Variants in ZNF385D observed in about 807,000 individuals in gnomAD.
ZNF385D encodes the protein zinc finger protein 659.
In ZNF385D, 15 loss-of-function variants were observed where a neutral mutation model predicts 35.8. The ratio of observed to expected loss-of-function variants is 0.42; its 90% CI spans 0.28 to 0.64. The LOEUF (loss-of-function observed/expected upper bound fraction) is 0.64, where lower values mean the gene tolerates loss of function less well. ZNF385D is among the 30% of genes least tolerant of loss of function. The pLI, the probability that ZNF385D is intolerant of heterozygous loss-of-function variation, is 0.23. For synonymous variants in ZNF385D, 212 were observed against 186.8 expected (o/e 1.13, Z -1.10); for missense variants, 474 against 494.6 (o/e 0.96, Z 0.39).
chr3:21,983,257 G>A (rs1314834119), intron 3 of ZNF385D, among the ~76,000 whole-genome samples: 3 of 142,778 alleles, frequency 2.1e-5, no homozygotes, highest in East Asian at 2.1e-4. Flanking sequence ...CTGGTGCGCT[G>A]CACCCACTAA....
chr3:21,821,933 T>G (rs907971566), intron 3 of ZNF385D, among the ~76,000 whole-genome samples: 2 of 132,878 alleles, frequency 1.5e-5, no homozygotes, highest in Non-Finnish European at 3.1e-5. Context: ...GCCACTGTAC[T>G]CCAGCCTGAA....
At chr3:22,309,302 C>T (rs138516621) in intron 2 of ZNF385D, among the ~76,000 whole-genome samples, 437 of 149,438 alleles carry the variant, frequency 2.9e-3, no homozygotes, top group Non-Finnish European at 4.6e-3. Context: ...TTTATCTCTG[C>T]CCTGTACAGT....
chr3:21,694,572 TAGAG>T (rs1310230949), intron 1 of ZNF385D, among the ~76,000 whole-genome samples: 3 of 152,144 alleles, frequency 2.0e-5, no homozygotes, highest in Non-Finnish European at 2.9e-5. Context: ...CCTTGCTCGA[TAGAG>T]AAAGACAATT....
At chr3:21,732,029 G>GTTTTTTTTTTT (rs1211041889) in intron 1 of ZNF385D, among the ~76,000 whole-genome samples, 331 of 21,202 alleles carry the variant, frequency 0.016, 123 homozygotes, top group South Asian at 0.027. Context: ...CTTTTTTCGG[G>GTTTTTTTTTTT]GTTTTTTTTT....
At chr3:21,517,268 A>T (rs2125489275) in intron 3 of ZNF385D, among the ~76,000 whole-genome samples, 1 of 152,196 alleles carries the variant, frequency 6.6e-6, no homozygotes, top group Non-Finnish European at 1.5e-5. Flanking sequence ...ACACCCTGAG[A>T]CTTGGCAAGT....
intron 2 of ZNF385D, among the ~76,000 whole-genome samples, chr3:22,247,260 A>C (rs1308373885): frequency 6.6e-6 from 1 of 152,162 alleles, no homozygotes; most frequent in South Asian, 2.1e-4. Flanking sequence ...AAAAATAATC[A>C]TTTCTAATTA....
chr3:22,199,123 A>G (rs988613949), intron 2 of ZNF385D, among the ~76,000 whole-genome samples: 1 of 152,028 alleles, frequency 6.6e-6, no homozygotes, highest in African/African-American at 2.4e-5. Flanking sequence ...AGCAGGCAAA[A>G]AAACCAAACA....
rs1024649383 is a variant in ZNF385D at position 21,682,273 on chromosome 3, A to G, written c.23-17245T>C. ...ATTGGCTAAGTATGTTGAAAATCTA[A>G]TAACTTATGAAAGATGTACACAACC... On this transcript the variant is annotated intron_variant, in intron 1 of 7. Transcript: ENST00000281523. Among the ~76,000 whole-genome samples the G allele has an allele frequency of 6.1e-5, 9 of 146,688 alleles. 1 individual carries two copies. Among genetic ancestry groups the G allele is most frequent in the Admixed American group, 2.0e-4 (3 of 14,922 alleles).
intron 3 of ZNF385D, among the ~76,000 whole-genome samples, chr3:22,121,807 C>T (rs1473054313): frequency 1.3e-5 from 2 of 151,932 alleles, no homozygotes; most frequent in Non-Finnish European, 2.9e-5. Flanking sequence ...ACTGCAACAG[C>T]TTTTTCCTTT....
upstream of ZNF385D, among the ~76,000 whole-genome samples, chr3:21,753,357 C>A (rs1196974784): frequency 6.6e-6 from 1 of 152,104 alleles, no homozygotes; most frequent in Non-Finnish European, 1.5e-5. Context: ...AAGTCACCCC[C>A]AATAAAACAA....
intron 3 of ZNF385D, among the ~76,000 whole-genome samples, chr3:21,813,618 T>C (rs1333421119): frequency 1.3e-5 from 2 of 152,042 alleles, no homozygotes; most frequent in African/African-American, 2.4e-5. Flanking sequence ...GAAGATCAAA[T>C]GAATGAAATG....
At chr3:21,842,264 G>C (rs572841782) in intron 3 of ZNF385D, among the ~76,000 whole-genome samples, 23 of 151,906 alleles carry the variant, frequency 1.5e-4, no homozygotes, top group Admixed American at 2.0e-4. Context: ...TGGAACAATA[G>C]AAATGCAATT....
intron 2 of ZNF385D, among the ~76,000 whole-genome samples, chr3:22,185,335 T>C (rs978027120): frequency 2.6e-5 from 4 of 152,216 alleles, no homozygotes; most frequent in Admixed American, 6.6e-5. Context: ...TGGTGCTCGT[T>C]AGTAAAACAA....
At chr3:22,309,513 ATATTC>A (rs1206819470) in intron 2 of ZNF385D, among the ~76,000 whole-genome samples, 4 of 152,124 alleles carry the variant, frequency 2.6e-5, no homozygotes, top group African/African-American at 7.2e-5. Context: ...GGTCAAAAAC[ATATTC>A]TATTCAACTA....
At chr3:21,917,952 A>G (rs1040066837) in intron 3 of ZNF385D, among the ~76,000 whole-genome samples, 27 of 152,218 alleles carry the variant, frequency 1.8e-4, no homozygotes, top group Admixed American at 6.5e-5. Flanking sequence ...ACCCACAGAT[A>G]TAAAATACTT....
At chr3:21,460,643 T>C (rs1703109256) in intron 4 of ZNF385D, among the ~76,000 whole-genome samples, 1 of 152,208 alleles carries the variant, frequency 6.6e-6, no homozygotes, top group South Asian at 2.1e-4. Flanking sequence ...CTTTTTGTTG[T>C]ACATGTGTAA....
At chr3:21,685,171 T>A (rs2067065269) in intron 1 of ZNF385D, among the ~76,000 whole-genome samples, 1 of 152,228 alleles carries the variant, frequency 6.6e-6, no homozygotes, top group Non-Finnish European at 1.5e-5. Flanking sequence ...CTTTCTATTT[T>A]GTCTCAGCAA....
At chr3:21,804,979 C>A (rs2072572139) in intron 3 of ZNF385D, among the ~76,000 whole-genome samples, 1 of 152,158 alleles carries the variant, frequency 6.6e-6, no homozygotes, top group Admixed American at 6.5e-5. Context: ...TGGGCAGAAG[C>A]AAGATTGATT....
chr3:22,087,889 T>C (rs532055599), intron 3 of ZNF385D, among the ~76,000 whole-genome samples: 2 of 152,316 alleles, frequency 1.3e-5, no homozygotes, highest in South Asian at 2.1e-4. Flanking sequence ...TTTTGAACTA[T>C]ATTAATGACT....
Sources: allele counts gnomAD v4.1 joint callset (sites outside exome capture counted in the v4.1 genomes callset), GRCh38; gene constraint gnomAD v4.1.1; transcripts MANE v1.5; gene names NCBI Gene and HGNC (gene_info 2026-07-23, HGNC 2026-07-21).